Variants in PTPRS observed in about 807,000 individuals in gnomAD.
PTPRS encodes protein tyrosine phosphatase receptor type S.
Under a neutral mutation model 215.3 loss-of-function variants are expected in PTPRS, and 63 were observed. The observed-to-expected ratio is 0.29, with a 90% CI of 0.24 to 0.36. The LOEUF is 0.36. Among genes scored for constraint, PTPRS ranks in the 10% least tolerant of loss-of-function variants. The probability of loss-of-function intolerance (pLI) is 1.00; values close to 1 mark genes in which losing one functional copy is unlikely to be tolerated. For missense variants in PTPRS, 2,258 were observed against 2,825.8 expected, an observed-to-expected ratio of 0.80 and a Z score of 4.56; for synonymous variants, 1,404 against 1,191.4, an observed-to-expected ratio of 1.18 and a Z score of -3.68.
chr19:5,336,938 A>ATTTGCATTGGATTTG (rs1430122344), intron 1 of PTPRS, among the ~76,000 whole-genome samples: 2 of 152,140 alleles, frequency 1.3e-5, no homozygotes, highest in Non-Finnish European at 2.9e-5. Flanking sequence ...TTCTAAGAGG[A>ATTTGCATTGGATTTG]CACCCACCCA....
In PTPRS at chr19:5,244,967, C is replaced by CT. The variant is rs1259886197; in HGVS notation, c.989-486dup. Among the ~76,000 whole-genome samples the CT allele has an allele frequency of 6.8e-6, 1 of 147,698 alleles. No homozygotes were observed. On this transcript the variant is annotated intron_variant, in intron 10 of 37. Transcript: ENST00000262963. This position sits in a 1 kb window ranked among gnomAD's most constrained non-coding sequence, Gnocchi z 7.2. ...ACAGGTGTGAGCCACCGCACCCGGC[C>CT]TTTTTTTTCTTTTTTCTTTTTTTTT... is the stretch of plus-strand genomic sequence containing the variant.
Position 5,258,097 on chromosome 19 carries a change from G to A in PTPRS, c.626C>T (p.Thr209Ile), listed in dbSNP as rs780229133. 7 of 1,614,078 alleles carry A rather than the reference G, an allele frequency of 4.3e-6. No individual in the cohort carries two copies. In the South Asian group the frequency reaches 4.4e-5, roughly 10 times the overall value. Reference protein sequence around the residue: ...GALQIESSEETDQGKYECVAT... With the variant: ...GALQIESSEEIDQGKYECVAT... ...CACACACTCATATTTGCCCTGGTCG[G>A]TTTCCTCACTGCTTTCAATCTGCAG... The change falls in exon 8 of 38, where the codon ACC (threonine) becomes ATC (isoleucine). Residue 209 changes from threonine to isoleucine, a missense_variant. Physicochemically the swap from Thr to Ile is moderately conservative, Grantham distance 89 (BLOSUM62 -1). Transcript: ENST00000262963.
Position 5,293,736 on chromosome 19 carries a change from G to T in PTPRS, c.-94-7502C>A, listed in dbSNP as rs1232110605. ...GGGGCGTCCCCTCTTCCCCCTCTTA[G>T]ACCAGAGGGTAGGGGAGAGGTGCGG... is the stretch of plus-strand genomic sequence containing the variant. On this transcript the variant is annotated intron_variant, in intron 1 of 37. Coordinates refer to ENST00000262963, the MANE Select transcript of PTPRS (RefSeq NM_002850.4). The surrounding 1 kb of genome is among the most constrained non-coding windows in gnomAD (Gnocchi z 8.4). 6.6e-6 allele frequency among the ~76,000 whole-genome samples: 1 copy of T among 152,158 alleles called. No homozygotes were observed. Among genetic ancestry groups the T allele is most frequent in the Non-Finnish European group, 1.5e-5 (1 of 68,008 alleles).
At chr19:5,288,311 GCAAAGT>G (rs1016902893) in intron 1 of PTPRS, among the ~76,000 whole-genome samples, 20 of 152,248 alleles carry the variant, frequency 1.3e-4, no homozygotes, top group African/African-American at 4.8e-4. Flanking sequence ...ATAGAGATAT[GCAAAGT>G]CAGATTCCCT....
intron 20 of PTPRS, among the ~76,000 whole-genome samples, chr19:5,220,632 C>T (rs1388029984): frequency 6.6e-6 from 1 of 152,204 alleles, no homozygotes; most frequent in Non-Finnish European, 1.5e-5. Context: ...GCCCACATAA[C>T]CTTGTAGCCC....
intron 9 of PTPRS, among the ~76,000 whole-genome samples, chr19:5,254,155 G>C (rs148112275): frequency 2.0e-5 from 3 of 152,324 alleles, no homozygotes; most frequent in African/African-American, 7.2e-5. Flanking sequence ...TGGAGGGGCT[G>C]GGAGACCCCT....
intron 1 of PTPRS, among the ~76,000 whole-genome samples, chr19:5,289,216 C>T (rs903271097): frequency 3.3e-5 from 5 of 152,132 alleles, no homozygotes; most frequent in Admixed American, 1.3e-4. Context: ...AAACCCCAGG[C>T]GTGAGGTCCT....
chr19:5,225,360 G>A (rs1369394684), intron 17 of PTPRS, among the ~76,000 whole-genome samples: 6 of 152,188 alleles, frequency 3.9e-5, no homozygotes, highest in Admixed American at 2.6e-4. Flanking sequence ...CCAGGGCCAG[G>A]TGTACCTTGA....
chr19:5,292,284 TAGAC>T (rs764174577), intron 1 of PTPRS, among the ~76,000 whole-genome samples: 3 of 152,062 alleles, frequency 2.0e-5, no homozygotes, highest in Non-Finnish European at 4.4e-5. Context: ...ACTGAGACCA[TAGAC>T]AGAGACCACC....
intron 1 of PTPRS, among the ~76,000 whole-genome samples, chr19:5,323,103 T>C (rs978308023): frequency 6.6e-5 from 10 of 152,024 alleles, no homozygotes; most frequent in Non-Finnish European, 1.5e-4. Flanking sequence ...ACGCCTCTAA[T>C]CCTGGCACTT....
intron 25 of PTPRS, among the ~76,000 whole-genome samples, chr19:5,218,202 T>TAA (rs5826876): frequency 0.017 from 2,530 of 146,284 alleles, 68 homozygotes; most frequent in African/African-American, 0.055. Flanking sequence ...ATGTTAACTT[T>TAA]AAAAAAAAAA....
intron 1 of PTPRS, among the ~76,000 whole-genome samples, chr19:5,305,500 T>C (rs540203206): frequency 1.8e-4 from 27 of 151,998 alleles, no homozygotes; most frequent in Admixed American, 1.3e-3. Context: ...TGAGCTATAA[T>C]AGTGCCACTG....
intron 13 of PTPRS, among the ~76,000 whole-genome samples, chr19:5,233,713 G>C (rs1382971529): frequency 6.6e-6 from 1 of 151,272 alleles, no homozygotes; most frequent in African/African-American, 2.4e-5. Context: ...GGAGGCCGAG[G>C]TGGGTGGATC....
chr19:5,336,323 A>G (rs1053899840), intron 1 of PTPRS, among the ~76,000 whole-genome samples: 1 of 150,824 alleles, frequency 6.6e-6, no homozygotes, highest in African/African-American at 2.4e-5. Context: ...GGTTAGAGAG[A>G]CCCAGGTGTC....
rs1048097524 is a variant in PTPRS, at chr19:5,237,636, G to A, written c.1849+1283C>T. On this transcript the variant is annotated intron_variant, in intron 13 of 37. Coordinates refer to ENST00000262963, the MANE Select transcript of PTPRS (RefSeq NM_002850.4). This position sits in a 1 kb window ranked among gnomAD's most constrained non-coding sequence, Gnocchi z 4.2. ...TCAGCCCAGAGTGGCTGGGGCAGGC[G>A]GGGGGGCACGCGGGGTGGGCCGTTT... Among the ~76,000 whole-genome samples, 5 of 152,046 alleles carry A rather than the reference G, an allele frequency of 3.3e-5. No individual in the cohort carries two copies. The highest frequency in any genetic ancestry group is 2.0e-4 in the Admixed American group (3 of 15,238).
chr19:5,220,268 G>C lies in PTPRS; in HGVS notation c.3541C>G (p.Leu1181Val), dbSNP rs762696876. The change falls in exon 21 of 38, where the codon CTG (leucine) becomes GTG (valine). Residue 1181 changes from leucine to valine, a missense_variant. By Grantham distance (32) the Leu-to-Val change is conservative. Around this residue, in one of 6 missense-constraint regions of PTPRS, gnomAD observed 927 missense variants for 1,125.9 expected, o/e 0.82. Transcript: ENST00000262963. ...TPLGSPEDMD[L>V]EELIQDISRL... ...GGGCCCCAGGCCCTCACCTCTTCCA[G>C]ATCCATGTCCTCTGGGCTACCCAGC... 6.2e-7 allele frequency: 1 copy of C among 1,613,952 alleles called. No homozygotes were observed. Among genetic ancestry groups the C allele is most frequent in the East Asian group, 2.2e-5 (1 of 44,878 alleles).
chr19:5,305,098 C>T (rs981161655), intron 1 of PTPRS, among the ~76,000 whole-genome samples: 2 of 152,180 alleles, frequency 1.3e-5, no homozygotes, highest in African/African-American at 4.8e-5. Context: ...CACCCAACCC[C>T]ATCTCCCCAA....
rs1399739848 is a variant in PTPRS at position 5,229,598 on chromosome 19, G to T, written c.2242C>A (p.Arg748=). 2 of 1,428,726 alleles carry T rather than the reference G, an allele frequency of 1.4e-6. No individual in the cohort carries two copies. Among genetic ancestry groups the T allele is most frequent in the Non-Finnish European group, 1.8e-6 (2 of 1,091,796 alleles). The allele number at this position is 1,428,726 out of a possible 1,614,324, so 88.5% of individuals were successfully genotyped here. ...TAGCCGCGGATCTGGCCGTGCTGCC[G>T]GCCGGGCGCGGGCGAGCGCCACAGC... The part of the protein sequence containing the change: ...RVLWRSPAPG[R]QHGQIRGYQV... The change falls in exon 15 of 38, where the codon CGG becomes AGG. Residue 748 remains arginine (R), a synonymous_variant. Coordinates refer to ENST00000262963, the MANE Select transcript of PTPRS (RefSeq NM_002850.4).
intron 1 of PTPRS, among the ~76,000 whole-genome samples, chr19:5,310,076 T>C (rs1410164781): frequency 6.6e-6 from 1 of 151,476 alleles, no homozygotes; most frequent in African/African-American, 2.4e-5. Context: ...CTCCTCACTC[T>C]GCTCCAGCCA....
Sources: gnomAD v4.1 joint callset for allele counts (sites outside exome capture counted in the v4.1 genomes callset) on GRCh38, gnomAD v4.1.1 for gene constraint, gnomAD v4.1.1 regional missense constraint, Gnocchi (gnomAD v3.1) non-coding constraint, MANE v1.5 for transcripts, NCBI Gene and HGNC (gene_info 2026-07-23, HGNC 2026-07-21) for gene names.